The following SHC4 variants were observed in gnomAD, a reference collection of about 807,000 sequenced individuals.
SHC4 encodes the protein SHC-transforming protein 4.
In SHC4, 41 loss-of-function variants were observed where a neutral mutation model predicts 69.4. That is an observed-to-expected ratio of 0.59 (90% CI 0.46 to 0.77). The LOEUF (loss-of-function observed/expected upper bound fraction) is 0.77. SHC4 is among the 30% of genes least tolerant of loss of function. The pLI, the probability that SHC4 is intolerant of heterozygous loss-of-function variation, is 0.00. For missense variants in SHC4, 777 were observed against 783.8 expected, an observed-to-expected ratio of 0.99 and a Z score of 0.10; for synonymous variants, 318 against 299.3, an observed-to-expected ratio of 1.06 and a Z score of -0.64.
chr15:48,898,483 A>T (rs1289471450), intron 2 of SHC4, among the ~76,000 whole-genome samples: 1 of 152,178 alleles, frequency 6.6e-6, no homozygotes, highest in Non-Finnish European at 1.5e-5. Context: ...TTATCCCCAC[A>T]CTGACTTAGT....
At chr15:48,856,149 A>G in intron 7 of SHC4, 25 bp from the exon 8 acceptor site, 1 of 1,598,610 alleles carries the variant, frequency 6.3e-7, no homozygotes, top group Non-Finnish European at 8.5e-7. Flanking sequence ...AGAATCCTCA[A>G]GAGGCTGGGC....
intron 3 of SHC4, among the ~76,000 whole-genome samples, chr15:48,888,186 C>A (rs566078634): frequency 3.3e-5 from 5 of 152,258 alleles, no homozygotes; most frequent in African/African-American, 9.6e-5. Context: ...CAGCATTATT[C>A]ATAATAGCTA....
At position 48,829,432 on chromosome 15, in the gene SHC4, T is replaced by A. The variant is rs950443044; in HGVS notation, c.1738-3306A>T. Among the ~76,000 whole-genome samples the A allele has an allele frequency of 5.3e-5, 8 of 152,306 alleles. No homozygotes were observed. In the East Asian group the frequency reaches 1.5e-3, roughly 29 times the overall value. On this transcript the variant is annotated intron_variant, in intron 11 of 11. Coordinates refer to ENST00000332408, the MANE Select transcript of SHC4 (RefSeq NM_203349.4). ...GTACCCTGATGTGCATATATATTTA[T>A]AATTATTATATCTTCCTGAAGAATT...
rs1187409490 is a variant in SHC4 at position 48,858,166 on chromosome 15, T to C, written c.947-351A>G. ...ATATAGATTATGCTTAGGGCACTAA[T>C]CTACACAGAAGGCGAAGTTTGAGGT... On this transcript the variant is annotated intron_variant, in intron 6 of 11. Transcript: ENST00000332408. Among the ~76,000 whole-genome samples the C allele has an allele frequency of 4.6e-5, 7 of 152,328 alleles. No individual in the cohort carries two copies. In the East Asian group the frequency reaches 1.2e-3, roughly 25 times the overall value.
chr15:48,878,165 G>C (rs1899857209), intron 4 of SHC4: 1 of 1,530,930 alleles, frequency 6.5e-7, no homozygotes, highest in Middle Eastern at 1.8e-4. Context: ...TAGAGGTTGA[G>C]CGGTTTGCAC....
intron 6 of SHC4, among the ~76,000 whole-genome samples, chr15:48,867,463 C>T (rs1899585721): frequency 6.6e-6 from 1 of 152,060 alleles, no homozygotes; most frequent in Non-Finnish European, 1.5e-5. Flanking sequence ...ACACCAAAGC[C>T]AATGCAGGCC....
intron 11 of SHC4, 37 bp downstream of exon 11, chr15:48,834,732 A>T: frequency 6.2e-7 from 1 of 1,608,654 alleles, no homozygotes. Flanking sequence ...TAATAGAACA[A>T]CATCCTGTGA....
At chr15:48,946,009 T>G (rs934053339) in intron 1 of SHC4, 1 of 152,164 alleles carries the variant, frequency 6.6e-6, no homozygotes, top group Non-Finnish European at 1.5e-5. Context: ...GAGGTTTCCA[T>G]GTAAAATACT....
intron 11 of SHC4, among the ~76,000 whole-genome samples, chr15:48,830,120 CT>C (rs1274937166): frequency 6.6e-6 from 1 of 152,070 alleles, no homozygotes; most frequent in African/African-American, 2.4e-5. Context: ...CCTGTTTCTC[CT>C]TTCTTGCTGT....
At chr15:48,910,786 G>T (rs1275171718) in intron 2 of SHC4, among the ~76,000 whole-genome samples, 1 of 152,120 alleles carries the variant, frequency 6.6e-6, no homozygotes, top group Non-Finnish European at 1.5e-5. Context: ...TCAGTTCAAA[G>T]AATTTTTAAA....
rs1291543590 is a variant in SHC4, at chr15:48,876,029, G to C, written c.841-3887C>G. Among the ~76,000 whole-genome samples the C allele has an allele frequency of 9.2e-5, 14 of 152,172 alleles. 1 individual carries two copies. Among genetic ancestry groups the C allele is most frequent in the Admixed American group, 9.2e-4 (14 of 15,278 alleles). On this transcript the variant is annotated intron_variant, in intron 4 of 11. Transcript: ENST00000332408. The stretch of plus-strand genomic sequence containing the variant: ...GATGGCTTTCTAAAGGTAGATCACT[G>C]GCCAGAGTTTTTGAGTTAAGAGAGC...
chr15:48,937,402 G>A (rs1158589746), intron 1 of SHC4, among the ~76,000 whole-genome samples: 1 of 152,076 alleles, frequency 6.6e-6, no homozygotes, highest in Non-Finnish European at 1.5e-5. Flanking sequence ...ATTCTCAGAG[G>A]TTCAATGCTG....
intron 1 of SHC4, among the ~76,000 whole-genome samples, chr15:48,950,696 A>ACT (rs1901352116): frequency 6.6e-6 from 1 of 152,188 alleles, no homozygotes; most frequent in East Asian, 1.9e-4. Flanking sequence ...TGCGTGCAGC[A>ACT]AGACAGAGTG....
intron 1 of SHC4, chr15:48,946,550 G>A (rs576448868): frequency 3.4e-4 from 330 of 977,774 alleles, no homozygotes; most frequent in Non-Finnish European, 3.8e-4. Flanking sequence ...TTGTAAAATC[G>A]GATTCTTACA....
chr15:48,894,068 G>C (rs978529775), intron 2 of SHC4, among the ~76,000 whole-genome samples: 3 of 152,200 alleles, frequency 2.0e-5, no homozygotes, highest in African/African-American at 4.8e-5. Flanking sequence ...AAACCAACCC[G>C]AAGTCTTGTG....
intron 8 of SHC4, among the ~76,000 whole-genome samples, chr15:48,853,652 T>C (rs1208612209): frequency 6.6e-6 from 1 of 152,108 alleles, no homozygotes; most frequent in Non-Finnish European, 1.5e-5. Context: ...CATAGACTAA[T>C]GGAACAGAAT....
intron 1 of SHC4, among the ~76,000 whole-genome samples, chr15:48,925,541 T>C (rs572175652): frequency 6.6e-6 from 1 of 152,350 alleles, no homozygotes; most frequent in South Asian, 2.1e-4. Flanking sequence ...TAAGATCTTA[T>C]CATCCTTTGC....
chr15:48,851,153 G>T (rs1899206236), intron 9 of SHC4, 35 bp downstream of exon 9: 1 of 1,606,440 alleles, frequency 6.2e-7, no homozygotes, highest in South Asian at 1.1e-5. Context: ...CAAGGAATAA[G>T]GAGGGTGGCA....
intron 2 of SHC4, among the ~76,000 whole-genome samples, chr15:48,908,379 C>A (rs1348234257): frequency 2.0e-5 from 3 of 152,080 alleles, no homozygotes; most frequent in Admixed American, 6.5e-5. Flanking sequence ...GTCCTTAGCC[C>A]ACTTTTTGAT....
Sources: gnomAD v4.1 joint callset for allele counts (sites outside exome capture counted in the v4.1 genomes callset) on GRCh38, gnomAD v4.1.1 for gene constraint, MANE v1.5 for transcripts, NCBI Gene and HGNC (gene_info 2026-07-23, HGNC 2026-07-21) for gene names.